Variants in RAB9B observed in about 807,000 individuals in gnomAD.
The protein encoded by RAB9B is RAB9B, member RAS oncogene family.
RAB9B carries 1 observed loss-of-function variant against 8.9 expected under a neutral mutation model. That is an observed-to-expected ratio of 0.11 (90% CI 0.04 to 0.53). The LOEUF is 0.53. RAB9B is among the 20% of genes least tolerant of loss of function. The pLI is 0.93. For missense variants in RAB9B, 82 were observed against 152.9 expected (o/e 0.54, Z 2.45); for synonymous variants, 63 against 57.0 (o/e 1.10, Z -0.47).
At chrX:103,786,780 G>A in the RAB9B span, 25 of 1,159,830 alleles carry the variant, frequency 2.2e-5, no homozygotes, top group South Asian at 2.0e-4. Flanking sequence ...AAAATTGGGC[G>A]CGAGTCTGTG....
downstream of RAB9B, among the ~76,000 whole-genome samples, chrX:103,817,434 T>C (rs1047219099): frequency 9.2e-6 from 1 of 109,227 alleles, no homozygotes; most frequent in Non-Finnish European, 1.9e-5. Context: ...CTGTCAAGGG[T>C]TGGGGGCTAG....
the RAB9B span, chrX:103,788,777 C>A: frequency 2.7e-6 from 1 of 373,091 alleles, no homozygotes; most frequent in Non-Finnish European, 4.7e-6. Flanking sequence ...AAAGATAGAG[C>A]CTAATGGCAA....
the RAB9B span, chrX:103,781,205 C>A: frequency 3.5e-6 from 1 of 284,371 alleles, no homozygotes; most frequent in Non-Finnish European, 7.1e-6. Flanking sequence ...TTGAGGCGGG[C>A]CCAGGGCATG....
At chrX:103,785,482 A>G in the RAB9B span, 5 of 740,281 alleles carry the variant, frequency 6.8e-6, no homozygotes, top group Admixed American at 4.6e-5. Context: ...CGGAGTGCCC[A>G]CTATCTCCGA....
the RAB9B span, among the ~76,000 whole-genome samples, chrX:103,807,058 A>G: frequency 8.9e-6 from 1 of 112,181 alleles, no homozygotes; most frequent in Admixed American, 9.4e-5. Context: ...ATAGGCTGTC[A>G]CTAGATTCCA....
chrX:103,795,757 G>A, the RAB9B span, among the ~76,000 whole-genome samples: 6 of 112,040 alleles, frequency 5.4e-5, no homozygotes, highest in Non-Finnish European at 1.1e-4. Flanking sequence ...TATCACAAGT[G>A]AACAGAAACA....
At chrX:103,827,904 C>T (rs1188137195) in intron 1 of RAB9B, among the ~76,000 whole-genome samples, 4 of 111,867 alleles carry the variant, frequency 3.6e-5, no homozygotes, top group African/African-American at 6.5e-5. Flanking sequence ...TGGGTTCAAA[C>T]GATCTGCCCA....
At chrX:103,790,527 C>T in the RAB9B span, 2 of 1,201,331 alleles carry the variant, frequency 1.7e-6, no homozygotes, top group South Asian at 1.8e-5. Flanking sequence ...TTCCCTACAG[C>T]TCACCTTCAT....
chrX:103,809,589 C>T, the RAB9B span, among the ~76,000 whole-genome samples: 2 of 112,189 alleles, frequency 1.8e-5, no homozygotes, highest in African/African-American at 6.5e-5. Context: ...CGTGACCCAC[C>T]ATGCTCGGCT....
chrX:103,800,332 G>A, the RAB9B span, among the ~76,000 whole-genome samples: 1 of 109,587 alleles, frequency 9.1e-6, no homozygotes, highest in African/African-American at 3.3e-5. Context: ...GTGGGGGTGG[G>A]GGGCAGAACA....
At chrX:103,809,173 G>A in the RAB9B span, among the ~76,000 whole-genome samples, 11 of 111,622 alleles carry the variant, frequency 9.9e-5, no homozygotes, top group South Asian at 1.1e-3. Flanking sequence ...TGTCTCTCTC[G>A]CTCTCTCTCT....
At chrX:103,788,857 G>A in the RAB9B span, 1 of 295,825 alleles carries the variant, frequency 3.4e-6, no homozygotes, top group Non-Finnish European at 5.9e-6. Flanking sequence ...GTGCACAGAG[G>A]CATTCATAGG....
chrX:103,799,993 C>T, the RAB9B span, among the ~76,000 whole-genome samples: 1 of 111,223 alleles, frequency 9.0e-6, no homozygotes, highest in Admixed American at 9.6e-5. Flanking sequence ...AAACATCTTC[C>T]TGATTTATGC....
chrX:103,783,112 T>A, the RAB9B span, among the ~76,000 whole-genome samples: 1 of 112,169 alleles, frequency 8.9e-6, no homozygotes. Context: ...TCTTAACCTG[T>A]TGAGAAAGAG....
At chrX:103,800,236 G>C in the RAB9B span, among the ~76,000 whole-genome samples, 13 of 106,933 alleles carry the variant, frequency 1.2e-4, no homozygotes, top group Non-Finnish European at 2.1e-4. Flanking sequence ...CTACAGTCTA[G>C]TATCAAAACT....
chrX:103,790,574 C>T, the RAB9B span: 1 of 1,207,983 alleles, frequency 8.3e-7, no homozygotes, highest in Admixed American at 2.2e-5. Flanking sequence ...TCCTTAAACT[C>T]ATGGGCCGAG....
chrX:103,777,486 A>G, the RAB9B span, among the ~76,000 whole-genome samples: 12 of 112,233 alleles, frequency 1.1e-4, no homozygotes, highest in Non-Finnish European at 1.7e-4. Context: ...AGGCTTGGCT[A>G]TGGCTGAGGA....
rs750813389 is a variant in RAB9B at position 103,822,656 on chromosome X, G to C, written c.*2523C>G. The C allele has an allele frequency of 7.2e-5, 8 of 111,404 alleles. 1 individual carries two copies. The highest frequency in any genetic ancestry group is 2.8e-4 in the East Asian group (1 of 3,570). The allele number at this position is 111,404 out of a possible 1,213,427, so 9.2% of individuals were successfully genotyped here. On this transcript the variant is annotated 3_prime_UTR_variant, in exon 3 of 3. Transcript: ENST00000243298. The stretch of plus-strand genomic sequence containing the variant: ...AGAAATATATTATTCCAAAAATCTA[G>C]TGTTCTTTAAAAAAACACCTATTGA...
chrX:103,798,981 T>A, the RAB9B span, among the ~76,000 whole-genome samples: 1 of 107,955 alleles, frequency 9.3e-6, no homozygotes, highest in Non-Finnish European at 1.9e-5. Context: ...GCTATTAGAG[T>A]AGGTTGTTTT....
Sources: allele counts gnomAD v4.1 joint callset (sites outside exome capture counted in the v4.1 genomes callset), GRCh38; gene constraint gnomAD v4.1.1; transcripts MANE v1.5; gene names NCBI Gene and HGNC (gene_info 2026-07-23, HGNC 2026-07-21).